The following PLXDC2 variants were observed in gnomAD, a reference collection of about 807,000 sequenced individuals.
The protein encoded by PLXDC2 is plexin domain-containing protein 2.
PLXDC2 carries 40 observed loss-of-function variants against 68.9 expected under a neutral mutation model. The ratio of observed to expected loss-of-function variants is 0.58; its 90% CI spans 0.45 to 0.76. PLXDC2 has a LOEUF of 0.76. Among genes scored for constraint, PLXDC2 ranks in the 30% least tolerant of loss-of-function variants. The pLI is 0.00. For missense variants in PLXDC2, 644 were observed against 661.9 expected, an observed-to-expected ratio of 0.97 and a Z score of 0.30; for synonymous variants, 243 against 234.2, an observed-to-expected ratio of 1.04 and a Z score of -0.34.
At chr10:19,974,510 G>A (rs1224291254) in intron 1 of PLXDC2, among the ~76,000 whole-genome samples, 2 of 152,156 alleles carry the variant, frequency 1.3e-5, no homozygotes, top group East Asian at 1.9e-4. Flanking sequence ...AAATTGCTCT[G>A]GTGTTTACTG....
At chr10:19,934,965 A>G (rs1378153648) in intron 1 of PLXDC2, among the ~76,000 whole-genome samples, 1 of 152,180 alleles carries the variant, frequency 6.6e-6, no homozygotes, top group Non-Finnish European at 1.5e-5. Context: ...GGTCCACAGT[A>G]TTTCAGCATC....
intron 4 of PLXDC2, among the ~76,000 whole-genome samples, chr10:20,130,023 A>ATT (rs950152430): frequency 6.7e-6 from 1 of 148,832 alleles, no homozygotes; most frequent in African/African-American, 2.5e-5. Flanking sequence ...GAATTTCTTG[A>ATT]TTTTTTTTTT....
chr10:20,238,677 G>GTATATATATATA (rs10633613), intron 12 of PLXDC2, among the ~76,000 whole-genome samples: 12 of 76,900 alleles, frequency 1.6e-4, no homozygotes, highest in East Asian at 1.0e-3. Context: ...ATATATATAT[G>GTATATATATATA]TATATATATA....
intron 1 of PLXDC2, among the ~76,000 whole-genome samples, chr10:19,999,443 A>G (rs558328262): frequency 6.6e-6 from 1 of 151,380 alleles, no homozygotes; most frequent in Admixed American, 6.6e-5. Flanking sequence ...TCTGGTTGAC[A>G]CCATTGCCTT....
At chr10:19,843,504 A>G (rs1836944328) in intron 1 of PLXDC2, among the ~76,000 whole-genome samples, 1 of 152,210 alleles carries the variant, frequency 6.6e-6, no homozygotes, top group Admixed American at 6.5e-5. Context: ...AGACAGAAAA[A>G]TAAACATTAG....
At chr10:20,119,669 A>C (rs1833670056) in intron 4 of PLXDC2, among the ~76,000 whole-genome samples, 1 of 151,968 alleles carries the variant, frequency 6.6e-6, no homozygotes, top group Admixed American at 6.6e-5. Flanking sequence ...GGACAGCGAA[A>C]ATTTTGGGAG....
chr10:19,975,562 A>G (rs950603473), intron 1 of PLXDC2, among the ~76,000 whole-genome samples: 4 of 152,082 alleles, frequency 2.6e-5, no homozygotes, highest in African/African-American at 9.7e-5. Context: ...CATCCCCCCA[A>G]CTTTCCGATA....
At chr10:20,207,610 G>T (rs1001461178) in intron 9 of PLXDC2, among the ~76,000 whole-genome samples, 4 of 152,148 alleles carry the variant, frequency 2.6e-5, no homozygotes, top group Non-Finnish European at 4.4e-5. Flanking sequence ...AAAACAGAAT[G>T]TCAGTACATT....
At chr10:20,137,936 T>C (rs971508429) in intron 4 of PLXDC2, among the ~76,000 whole-genome samples, 1 of 152,186 alleles carries the variant, frequency 6.6e-6, no homozygotes, top group African/African-American at 2.4e-5. Context: ...TAGGATGGGA[T>C]GACATCTGGT....
Position 20,199,861 on chromosome 10 carries a change from A to G in PLXDC2, c.1062-11808A>G, listed in dbSNP as rs77056209. On this transcript the variant is annotated intron_variant, in intron 9 of 13. Coordinates refer to ENST00000377252, the MANE Select transcript of PLXDC2 (RefSeq NM_032812.9). ...TTTAAACTCCCAGGTATTATTCAAC[A>G]GAGGATTCTGAGAATGTTAGTCATC... Among the ~76,000 whole-genome samples the G allele has an allele frequency of 2.2e-3, 339 of 152,140 alleles. 1 individual carries two copies. The highest frequency in any genetic ancestry group is 7.9e-3 in the African/African-American group (330 of 41,578).
intron 1 of PLXDC2, among the ~76,000 whole-genome samples, chr10:19,831,096 C>T (rs1460984318): frequency 1.3e-5 from 2 of 151,918 alleles, no homozygotes; most frequent in Non-Finnish European, 2.9e-5. Flanking sequence ...AACTTTTCTG[C>T]ATAATTTTCA....
At chr10:19,840,387 C>G (rs1836881199) in intron 1 of PLXDC2, among the ~76,000 whole-genome samples, 1 of 152,106 alleles carries the variant, frequency 6.6e-6, no homozygotes, top group East Asian at 1.9e-4. Flanking sequence ...CTGGTCCAAT[C>G]TCTTCATTTT....
chr10:19,992,196 C>G (rs4339938), intron 1 of PLXDC2, among the ~76,000 whole-genome samples: 1 of 152,004 alleles, frequency 6.6e-6, no homozygotes, highest in East Asian at 1.9e-4. Flanking sequence ...AGTACAAAAA[C>G]TAGACACTTA....
chr10:19,962,141 A>G (rs1303794446), intron 1 of PLXDC2, among the ~76,000 whole-genome samples: 1 of 152,122 alleles, frequency 6.6e-6, no homozygotes, highest in Non-Finnish European at 1.5e-5. Flanking sequence ...CTTATATATG[A>G]GATACTTGTT....
intron 1 of PLXDC2, among the ~76,000 whole-genome samples, chr10:19,931,674 T>G (rs1833636805): frequency 6.6e-6 from 1 of 152,154 alleles, no homozygotes. Context: ...CAGATTGAAC[T>G]TCACCAGCTT....
At chr10:19,847,479 A>G (rs1837029647) in intron 1 of PLXDC2, among the ~76,000 whole-genome samples, 1 of 152,206 alleles carries the variant, frequency 6.6e-6, no homozygotes, top group Non-Finnish European at 1.5e-5. Flanking sequence ...GCGGTTGCCC[A>G]AGTGTGGAGA....
chr10:20,033,331 G>T (rs977861890), intron 2 of PLXDC2, among the ~76,000 whole-genome samples: 5 of 152,102 alleles, frequency 3.3e-5, no homozygotes, highest in African/African-American at 1.2e-4. Context: ...CAATATTCTT[G>T]ATACTTCTTG....
chr10:20,141,442 A>G (rs1336206028), intron 4 of PLXDC2, among the ~76,000 whole-genome samples: 1 of 152,090 alleles, frequency 6.6e-6, no homozygotes, highest in Non-Finnish European at 1.5e-5. Context: ...CCTTCCTTGA[A>G]TAACTGCCCT....
Position 20,147,782 on chromosome 10 carries a change from A to G in PLXDC2, c.665-2A>G. 6.3e-7 allele frequency: 1 copy of G among 1,576,558 alleles called. No individual in the cohort carries two copies. Among genetic ancestry groups the G allele is most frequent in the Non-Finnish European group, 8.7e-7 (1 of 1,146,634 alleles). On this transcript the variant is annotated splice_acceptor_variant, in intron 5 of 13. Coordinates refer to ENST00000377252, the MANE Select transcript of PLXDC2 (RefSeq NM_032812.9). LOFTEE classifies it high-confidence loss of function. ...TTTCTTCTTTTTTCAATGGGTGTAT[A>G]GGCACAGCACTTGTGGTCCAGTGGG...
Sources: allele counts gnomAD v4.1 joint callset (sites outside exome capture counted in the v4.1 genomes callset), GRCh38; gene constraint gnomAD v4.1.1; transcripts MANE v1.5; gene names NCBI Gene and HGNC (gene_info 2026-07-23, HGNC 2026-07-21).